DDX1: variants seen among roughly 807,000 people sequenced by gnomAD.
DDX1 encodes the protein DEAD-box helicase 1, also known as ATP-dependent RNA helicase DDX1.
In DDX1, 28 loss-of-function variants were observed where a neutral mutation model predicts 108.7. The ratio of observed to expected loss-of-function variants is 0.26; its 90% CI spans 0.19 to 0.35. The LOEUF (loss-of-function observed/expected upper bound fraction) is 0.35, where lower values mean the gene tolerates loss of function less well. Among genes scored for constraint, DDX1 ranks in the 10% least tolerant of loss-of-function variants. The pLI is 1.00. For missense variants in DDX1, 710 were observed against 884.5 expected (o/e 0.80, Z 2.50); for synonymous variants, 295 against 288.9 (o/e 1.02, Z -0.21).
chr2:15,602,481 G>C (rs1438013365), intron 6 of DDX1, 67 bp from the exon 7 acceptor site: 1 of 1,106,528 alleles, frequency 9.0e-7, no homozygotes, highest in Non-Finnish European at 1.4e-6. Flanking sequence ...TGGTGGTAGG[G>C]GGTGGGAATG....
At chr2:15,630,615 A>G (rs1666175675) in intron 25 of DDX1, among the ~76,000 whole-genome samples, 161 bp from the exon 26 acceptor site, 1 of 152,232 alleles carries the variant, frequency 6.6e-6, no homozygotes, top group South Asian at 2.1e-4. Context: ...GAAATAATTG[A>G]TTTAACATTT....
intron 6 of DDX1, among the ~76,000 whole-genome samples, 158 bp from the exon 7 acceptor site, chr2:15,602,390 C>T (rs558521297): frequency 3.6e-4 from 55 of 152,256 alleles, no homozygotes; most frequent in African/African-American, 1.3e-3. Context: ...TACTATCACT[C>T]AGGAATCAGT....
At chr2:15,602,029 G>C (rs1260102735) in intron 6 of DDX1, among the ~76,000 whole-genome samples, 1 of 152,054 alleles carries the variant, frequency 6.6e-6, no homozygotes, top group Non-Finnish European at 1.5e-5. Context: ...TTCCCATATG[G>C]TTTCTTCCAT....
intron 1 of DDX1, 129 bp from the exon 2 acceptor site, chr2:15,595,016 G>C (rs560857983): frequency 1.1e-4 from 70 of 647,224 alleles, no homozygotes; most frequent in Non-Finnish European, 1.8e-4. Flanking sequence ...ACAGTGCCAC[G>C]CTCAGTAGAT....
At chr2:15,618,794 G>T (rs60815260) in intron 16 of DDX1, among the ~76,000 whole-genome samples, 12 of 152,342 alleles carry the variant, frequency 7.9e-5, no homozygotes, top group African/African-American at 2.9e-4. Flanking sequence ...CCCTCCTTCC[G>T]TGTTCGCTGG....
At chr2:15,607,448 C>T (rs1029029032) in intron 13 of DDX1, 135 bp downstream of exon 13, 5 of 638,204 alleles carry the variant, frequency 7.8e-6, no homozygotes, top group Non-Finnish European at 1.2e-5. Context: ...TGTAAATATA[C>T]TTTAATAATT....
At chr2:15,612,011 G>A (rs1438769015) in intron 13 of DDX1, among the ~76,000 whole-genome samples, 3 of 141,410 alleles carry the variant, frequency 2.1e-5, no homozygotes, top group African/African-American at 5.5e-5. Context: ...CCGGGCAGAG[G>A]GGCTCCTCAC....
intron 17 of DDX1, among the ~76,000 whole-genome samples, 154 bp downstream of exon 17, chr2:15,620,550 T>C (rs1251599564): frequency 1.3e-5 from 2 of 152,274 alleles, no homozygotes; most frequent in African/African-American, 4.8e-5. Flanking sequence ...AAGCACTGAA[T>C]AAGTGATGGA....
intron 19 of DDX1, among the ~76,000 whole-genome samples, chr2:15,625,690 G>A (rs1666092002): frequency 6.6e-6 from 1 of 151,724 alleles, no homozygotes; most frequent in African/African-American, 2.4e-5. Context: ...TATAAATATT[G>A]GAAAAATATA....
intron 19 of DDX1, 139 bp downstream of exon 19, chr2:15,623,721 G>A (rs777940686): frequency 1.5e-6 from 1 of 669,278 alleles, no homozygotes; most frequent in Non-Finnish European, 2.5e-6. Context: ...TGCTTATTCA[G>A]TACTTTTCCA....
chr2:15,612,798 A>G (rs1270934351), intron 13 of DDX1, among the ~76,000 whole-genome samples: 1 of 152,218 alleles, frequency 6.6e-6, no homozygotes, highest in East Asian at 1.9e-4. Flanking sequence ...CGCGGTTAGG[A>G]GCTGGAGACC....
rs541055866 is a variant in DDX1, at chr2:15,597,973, A to G, written c.259+502A>G. 2.0e-5 allele frequency among the ~76,000 whole-genome samples: 3 copies of G among 152,188 alleles called. No homozygotes were observed. In the East Asian group the frequency reaches 5.8e-4, roughly 29 times the overall value. On this transcript the variant is annotated intron_variant, in intron 5 of 25. Transcript: ENST00000233084. ...TATGTGCAGTCCTATCTACATGGAA[A>G]TTGGTCTTTTTATTAGGTTTCTGAT... is the stretch of plus-strand genomic sequence containing the variant.
chr2:15,605,428 G>A (rs1189979505), intron 10 of DDX1, among the ~76,000 whole-genome samples: 1 of 152,182 alleles, frequency 6.6e-6, no homozygotes, highest in Non-Finnish European at 1.5e-5. Flanking sequence ...CAGTGCTGCG[G>A]ATGGGTCTAG....
intron 12 of DDX1, 152 bp downstream of exon 12, chr2:15,606,416 A>C (rs1177303479): frequency 8.4e-6 from 5 of 594,834 alleles, no homozygotes; most frequent in Non-Finnish European, 1.5e-5. Context: ...ATTCATTTTT[A>C]AAACCTAATT....
In DDX1 at chr2:15,623,483, C is replaced by A. The variant is rs780158807; in HGVS notation, c.1495C>A (p.Arg499=). ...AATCCTGAAAGGGGAGTATGCTGTC[C>A]GGGCAATCAAGGAACATAAGATGGA... is the stretch of plus-strand genomic sequence containing the variant. ...IKILKGEYAV[R]AIKEHKMDQA... is the part of the protein sequence containing the mutation. Residue 499 remains arginine (R), a synonymous_variant, in exon 19 of 26, where the codon CGG becomes AGG. Coordinates refer to ENST00000233084, the MANE Select transcript of DDX1 (RefSeq NM_004939.3). The A allele has an allele frequency of 6.2e-7, 1 of 1,613,330 alleles. No homozygotes were observed. The highest frequency in any genetic ancestry group is 8.5e-7 in the Non-Finnish European group (1 of 1,179,572).
intron 19 of DDX1, among the ~76,000 whole-genome samples, chr2:15,624,921 A>T (rs1221235999): frequency 6.6e-6 from 1 of 152,168 alleles, no homozygotes; most frequent in African/African-American, 2.4e-5. Context: ...AAAGCTAAAA[A>T]TGCTGTCTTA....
In DDX1 at chr2:15,617,234, T is replaced by C. The variant is rs369140766; in HGVS notation, c.1018-10T>C. 2.0e-6 allele frequency: 3 copies of C among 1,509,312 alleles called. No homozygotes were observed. Among genetic ancestry groups the C allele is most frequent in the African/African-American group, 1.4e-5 (1 of 72,272 alleles). The allele number at this position is 1,509,312 out of a possible 1,614,324, so 93.5% of individuals were successfully genotyped here. A position where few individuals can be genotyped will look rare whatever the true frequency, so the allele number is the denominator to read the frequency against. On this transcript the variant is annotated splice_polypyrimidine_tract_variant and intron_variant, in intron 14 of 25. Coordinates refer to ENST00000233084, the MANE Select transcript of DDX1 (RefSeq NM_004939.3). ...AGTTTTCATTAAGTGGTTGGTTTGC[T>C]TTTTTTCAGGTAGATATAGTTGTAG... is the stretch of plus-strand genomic sequence containing the variant.
intron 13 of DDX1, among the ~76,000 whole-genome samples, chr2:15,612,773 G>T (rs1665798151): frequency 6.6e-6 from 1 of 152,260 alleles, no homozygotes; most frequent in South Asian, 2.1e-4. Flanking sequence ...GGGAGGCCGA[G>T]GCTGGCGGAT....
chr2:15,604,136 C>T (rs1294745424), intron 9 of DDX1, among the ~76,000 whole-genome samples: 1 of 152,162 alleles, frequency 6.6e-6, no homozygotes, highest in Non-Finnish European at 1.5e-5. Flanking sequence ...GTTGTCTTCT[C>T]TTTTCACCTC....
Sources: allele counts gnomAD v4.1 joint callset (sites outside exome capture counted in the v4.1 genomes callset), GRCh38; gene constraint gnomAD v4.1.1; transcripts MANE v1.5; gene names NCBI Gene and HGNC (gene_info 2026-07-23, HGNC 2026-07-21).